LARS2: variants seen among roughly 807,000 people sequenced by gnomAD.
LARS2 encodes leucine--tRNA ligase, mitochondrial.
A neutral mutation model predicts 116.6 loss-of-function variants in LARS2; 81 were observed. The ratio of observed to expected loss-of-function variants is 0.69; its 90% CI spans 0.58 to 0.84. LARS2 has a LOEUF of 0.84. Among genes scored for constraint, LARS2 ranks in the 40% least tolerant of loss-of-function variants. The probability of loss-of-function intolerance (pLI) is 0.00; values close to 1 mark genes in which losing one functional copy is unlikely to be tolerated. For synonymous variants in LARS2, 396 were observed against 407.2 expected (o/e 0.97, Z 0.33); for missense variants, 968 against 1,114.5 (o/e 0.87, Z 1.87).
chr3:45,537,701 C>A (rs1200078986), intron 20 of LARS2, among the ~76,000 whole-genome samples: 3 of 152,184 alleles, frequency 2.0e-5, no homozygotes, highest in Non-Finnish European at 4.4e-5. Context: ...ACTCTTCCCC[C>A]CTGGTGTGTC....
chr3:45,463,062 G>A (rs1304835379), intron 8 of LARS2, among the ~76,000 whole-genome samples: 1 of 152,184 alleles, frequency 6.6e-6, no homozygotes, highest in Non-Finnish European at 1.5e-5. Context: ...GGTGTCTTGT[G>A]GGCAGCACTG....
intron 4 of LARS2, among the ~76,000 whole-genome samples, chr3:45,408,570 T>C (rs571588536): frequency 2.2e-4 from 34 of 152,312 alleles, no homozygotes; most frequent in African/African-American, 6.7e-4. Context: ...CCTGGTAACA[T>C]TGGAGGACAG....
At chr3:45,424,138 AATC>A (rs76670176) in intron 6 of LARS2, among the ~76,000 whole-genome samples, 39,228 of 152,018 alleles carry the variant, frequency 0.26, 6,391 homozygotes, top group East Asian at 0.7. Context: ...TTTTAGATGT[AATC>A]ATTTGTGTCT....
At chr3:45,498,826 C>CCCAA (rs1310070721) in intron 14 of LARS2, among the ~76,000 whole-genome samples, 1 of 152,136 alleles carries the variant, frequency 6.6e-6, no homozygotes, top group African/African-American at 2.4e-5. Context: ...TCCTTTAGGA[C>CCCAA]CCAAGAGTAT....
intron 4 of LARS2, among the ~76,000 whole-genome samples, chr3:45,403,101 G>A (rs1251652595): frequency 4.1e-5 from 4 of 97,192 alleles, no homozygotes; most frequent in Admixed American, 1.3e-4. Context: ...GCGAAACTCC[G>A]TCTCCAAAGA....
At chr3:45,434,524 G>A (rs764060727) in intron 6 of LARS2, among the ~76,000 whole-genome samples, 6 of 152,096 alleles carry the variant, frequency 3.9e-5, no homozygotes, top group Non-Finnish European at 8.8e-5. Flanking sequence ...TTTTTATGCT[G>A]TCTGCATAAA....
chr3:45,538,021 C>T (rs1261281450), intron 20 of LARS2, among the ~76,000 whole-genome samples: 1 of 152,214 alleles, frequency 6.6e-6, no homozygotes, highest in Non-Finnish European at 1.5e-5. Context: ...AAGGCCAGCT[C>T]TCCACCTGAC....
At chr3:45,532,788 C>T (rs952462811) in intron 20 of LARS2, among the ~76,000 whole-genome samples, 9 of 152,162 alleles carry the variant, frequency 5.9e-5, no homozygotes, top group Middle Eastern at 3.4e-3. Flanking sequence ...ATTACAGGCA[C>T]GTGCCACCAT....
chr3:45,541,159 C>T (rs1700789499), intron 20 of LARS2, among the ~76,000 whole-genome samples: 1 of 152,178 alleles, frequency 6.6e-6, no homozygotes, highest in Admixed American at 6.5e-5. Context: ...TGGCCCTCTG[C>T]TACCCTTAGT....
intron 6 of LARS2, among the ~76,000 whole-genome samples, chr3:45,424,816 T>A (rs1209494248): frequency 6.6e-6 from 1 of 152,212 alleles, no homozygotes; most frequent in Admixed American, 6.5e-5. Flanking sequence ...GACAGTTTCA[T>A]AGGAGCCCTT....
chr3:45,414,126 T>A (rs1698377417), intron 4 of LARS2, among the ~76,000 whole-genome samples: 1 of 152,238 alleles, frequency 6.6e-6, no homozygotes, highest in Admixed American at 6.5e-5. Context: ...TACAAAGATT[T>A]ATGCCCAAGA....
chr3:45,445,678 T>C (rs765116427), intron 6 of LARS2, among the ~76,000 whole-genome samples: 3 of 152,194 alleles, frequency 2.0e-5, no homozygotes, highest in Non-Finnish European at 4.4e-5. Flanking sequence ...AGTTGTGTTA[T>C]TTTCCTTTTA....
At chr3:45,520,126 A>G in intron 18 of LARS2, 93 bp from the exon 19 acceptor site, 1 of 835,098 alleles carries the variant, frequency 1.2e-6, no homozygotes. Context: ...CATCCCATTC[A>G]TTTTCCTTTT....
intron 20 of LARS2, among the ~76,000 whole-genome samples, chr3:45,538,835 G>T (rs1444517397): frequency 6.6e-6 from 1 of 152,216 alleles, no homozygotes; most frequent in Non-Finnish European, 1.5e-5. Flanking sequence ...GGAACTCTCA[G>T]TTCCAGTCCA....
At chr3:45,511,594 A>G (rs891661958) in intron 15 of LARS2, among the ~76,000 whole-genome samples, 9 of 152,054 alleles carry the variant, frequency 5.9e-5, no homozygotes, top group African/African-American at 2.2e-4. Context: ...AAAAAGTTAT[A>G]AAAGACGAGG....
At chr3:45,520,119 C>T in intron 18 of LARS2, 100 bp from the exon 19 acceptor site, 1 of 758,412 alleles carries the variant, frequency 1.3e-6, no homozygotes, top group Non-Finnish European at 2.3e-6. Context: ...ATCTTTGCAT[C>T]CCATTCATTT....
At chr3:45,488,656 A>T in intron 11 of LARS2, 41 bp from the exon 12 acceptor site, 1 of 1,224,724 alleles carries the variant, frequency 8.2e-7, no homozygotes, top group Non-Finnish European at 1.2e-6. Flanking sequence ...TGATTTGGGC[A>T]CTTGTGAAGG....
At chr3:45,398,760 A>G (rs749807530) in intron 3 of LARS2, among the ~76,000 whole-genome samples, 5 of 152,196 alleles carry the variant, frequency 3.3e-5, no homozygotes, top group Non-Finnish European at 7.3e-5. Flanking sequence ...CACAAAGGCC[A>G]ACGAACATTT....
chr3:45,433,434 TAG>T (rs890775769), intron 6 of LARS2, among the ~76,000 whole-genome samples: 1 of 152,098 alleles, frequency 6.6e-6, no homozygotes, highest in Non-Finnish European at 1.5e-5. Flanking sequence ...ATTAGTTGCT[TAG>T]GTGTTATGTT....
Sources: allele counts gnomAD v4.1 joint callset (sites outside exome capture counted in the v4.1 genomes callset), GRCh38; gene constraint gnomAD v4.1.1; transcripts MANE v1.5; gene names NCBI Gene and HGNC (gene_info 2026-07-23, HGNC 2026-07-21).